Variants in PRELID2 observed in about 807,000 individuals in gnomAD.
PRELID2 encodes the protein PRELI domain containing 2.
PRELID2 carries 25 observed loss-of-function variants against 28.4 expected under a neutral mutation model. That is an observed-to-expected ratio of 0.88 (90% confidence interval 0.64 to 1.23). The LOEUF (loss-of-function observed/expected upper bound fraction) is 1.23, where lower values mean the gene tolerates loss of function less well. PRELID2 is among the 50% of genes most tolerant of loss of function. The probability of loss-of-function intolerance (pLI) is 0.00; values close to 1 mark genes in which losing one functional copy is unlikely to be tolerated. For missense variants in PRELID2, 201 were observed against 214.4 expected (o/e 0.94, Z 0.39); for synonymous variants, 76 against 71.6 (o/e 1.06, Z -0.31).
the PRELID2 span, among the ~76,000 whole-genome samples, chr5:145,262,437 A>C: frequency 2.4e-4 from 37 of 152,304 alleles, no homozygotes; most frequent in Non-Finnish European, 4.9e-4. Flanking sequence ...GCTGTGAAGC[A>C]AAAGCATCAG....
At chr5:145,552,081 AATG>A (rs1183965461) in intron 1 of PRELID2, among the ~76,000 whole-genome samples, 6 of 152,182 alleles carry the variant, frequency 3.9e-5, no homozygotes, top group Non-Finnish European at 8.8e-5. Flanking sequence ...CAAAGATCAG[AATG>A]ATAAGAACTT....
the PRELID2 span, among the ~76,000 whole-genome samples, chr5:145,339,638 A>C: frequency 6.6e-6 from 1 of 152,192 alleles, no homozygotes; most frequent in Non-Finnish European, 1.5e-5. Context: ...AAGGAAGATG[A>C]GAAGCTATAC....
the PRELID2 span, among the ~76,000 whole-genome samples, chr5:145,356,939 G>A: frequency 1.3e-5 from 2 of 152,114 alleles, no homozygotes; most frequent in South Asian, 4.1e-4. Flanking sequence ...TCCTGTGGTA[G>A]TGAATTTCCT....
At chr5:145,478,537 C>A (rs1752128205) in intron 1 of PRELID2, among the ~76,000 whole-genome samples, 1 of 151,740 alleles carries the variant, frequency 6.6e-6, no homozygotes, top group Non-Finnish European at 1.5e-5. Flanking sequence ...GGCAACAGAG[C>A]AAGACCCCGT....
chr5:145,716,334 T>A (rs140275585), intron 1 of PRELID2, among the ~76,000 whole-genome samples: 3 of 152,134 alleles, frequency 2.0e-5, no homozygotes, highest in African/African-American at 7.2e-5. Context: ...AAGATGTTTA[T>A]CATAAAGGAA....
At chr5:145,390,812 T>C in the PRELID2 span, among the ~76,000 whole-genome samples, 3 of 152,070 alleles carry the variant, frequency 2.0e-5, no homozygotes, top group Admixed American at 2.0e-4. Context: ...AAAAGCAAGT[T>C]AGTTACTTCC....
At chr5:145,588,541 T>C (rs1376574903) in intron 1 of PRELID2, among the ~76,000 whole-genome samples, 1 of 152,192 alleles carries the variant, frequency 6.6e-6, no homozygotes, top group Non-Finnish European at 1.5e-5. Flanking sequence ...TGTAGAAGAC[T>C]ATTGTCCCAA....
the PRELID2 span, among the ~76,000 whole-genome samples, chr5:145,402,066 C>T: frequency 1.8e-4 from 27 of 152,248 alleles, no homozygotes; most frequent in South Asian, 1.2e-3. Flanking sequence ...TATTCATCAC[C>T]TTTCATCCAT....
rs530060798 is a variant in PRELID2 at position 145,743,389 on chromosome 5, C to A, written n.70+21542G>T. Among the ~76,000 whole-genome samples the A allele has an allele frequency of 2.3e-3, 269 of 118,698 alleles. 2 individuals are homozygous for A. Among genetic ancestry groups the A allele is most frequent in the Non-Finnish European group, 4.0e-4 (24 of 60,118 alleles). 77.9% of individuals were successfully genotyped at this position (118,698 alleles called of 152,430 possible). On this transcript the variant is annotated intron_variant and non_coding_transcript_variant, in intron 1 of 2. Transcript: ENST00000510259. The stretch of plus-strand genomic sequence containing the variant: ...TTGCACCATTGTACTCCAGACTGGG[C>A]AATGAGAGTGAAACTCTGCGGCAAA...
chr5:145,312,749 C>T, the PRELID2 span, among the ~76,000 whole-genome samples: 9 of 151,890 alleles, frequency 5.9e-5, no homozygotes, highest in Non-Finnish European at 1.3e-4. Context: ...TTTTCTTTAT[C>T]CATTCATCTA....
At chr5:145,702,348 C>CA (rs1358226027) in intron 1 of PRELID2, among the ~76,000 whole-genome samples, 2 of 152,122 alleles carry the variant, frequency 1.3e-5, no homozygotes, top group African/African-American at 4.8e-5. Context: ...GAATCATGCA[C>CA]AGAGAAATAG....
At chr5:145,732,456 G>A (rs1297670038) in intron 1 of PRELID2, among the ~76,000 whole-genome samples, 2 of 152,148 alleles carry the variant, frequency 1.3e-5, no homozygotes, top group Non-Finnish European at 2.9e-5. Flanking sequence ...TTCTATATCC[G>A]CACTGTCCTG....
chr5:145,636,596 T>C (rs1317356660), intron 1 of PRELID2, among the ~76,000 whole-genome samples: 1 of 152,240 alleles, frequency 6.6e-6, no homozygotes, highest in African/African-American at 2.4e-5. Flanking sequence ...GGTATTCCAC[T>C]GTGTGAAACT....
chr5:145,538,949 A>G (rs1752723428), intron 1 of PRELID2, among the ~76,000 whole-genome samples: 1 of 151,986 alleles, frequency 6.6e-6, no homozygotes, highest in Non-Finnish European at 1.5e-5. Flanking sequence ...TGCATAACTC[A>G]GAATACCTGA....
intron 6 of PRELID2, among the ~76,000 whole-genome samples, chr5:145,760,984 C>T (rs1038294962): frequency 3.9e-5 from 6 of 152,180 alleles, no homozygotes; most frequent in African/African-American, 1.4e-4. Flanking sequence ...TGGCTCATGA[C>T]AAAAATCACC....
At chr5:145,705,279 C>G (rs1755515424) in intron 1 of PRELID2, among the ~76,000 whole-genome samples, 1 of 152,080 alleles carries the variant, frequency 6.6e-6, no homozygotes, top group South Asian at 2.1e-4. Flanking sequence ...CAACCTCCAC[C>G]ACCTGGGTTC....
chr5:145,639,245 T>C (rs750780238), intron 1 of PRELID2, among the ~76,000 whole-genome samples: 1 of 152,072 alleles, frequency 6.6e-6, no homozygotes, highest in African/African-American at 2.4e-5. Context: ...AAGAGCAATC[T>C]CAGAAGCATA....
chr5:145,665,271 C>A (rs1200245669), intron 1 of PRELID2, among the ~76,000 whole-genome samples: 1 of 152,024 alleles, frequency 6.6e-6, no homozygotes, highest in African/African-American at 2.4e-5. Context: ...TCTGGAAGAG[C>A]AGGTAGATTT....
At chr5:145,432,233 A>T in the PRELID2 span, among the ~76,000 whole-genome samples, 1 of 152,098 alleles carries the variant, frequency 6.6e-6, no homozygotes, top group Non-Finnish European at 1.5e-5. Context: ...TTTTCAAGAA[A>T]TAAACTTTTA....
Sources: allele counts gnomAD v4.1 joint callset (sites outside exome capture counted in the v4.1 genomes callset), GRCh38; gene constraint gnomAD v4.1.1; transcripts MANE v1.5; gene names NCBI Gene and HGNC (gene_info 2026-07-23, HGNC 2026-07-21).